XKR9: variants seen among roughly 807,000 people sequenced by gnomAD.
XKR9 encodes XK-related protein 9.
Under a neutral mutation model 32.0 loss-of-function variants are expected in XKR9, and 32 were observed. The observed-to-expected ratio is 1.00, with a 90% CI of 0.76 to 1.34. The LOEUF is 1.34. Among genes scored for constraint, XKR9 ranks in the 40% most tolerant of loss-of-function variants. XKR9 has a pLI of 0.00. For synonymous variants in XKR9, 168 were observed against 143.4 expected (o/e 1.17, Z -1.22); for missense variants, 546 against 429.7 (o/e 1.27, Z -2.39).
intron 4 of XKR9, among the ~76,000 whole-genome samples, chr8:70,720,068 A>G (rs1455910387): frequency 2.0e-5 from 3 of 152,108 alleles, no homozygotes; most frequent in African/African-American, 7.2e-5. Flanking sequence ...GCAATTGTGA[A>G]TGGTAGTTCA....
the XKR9 span, among the ~76,000 whole-genome samples, chr8:70,880,111 A>G: frequency 2.0e-5 from 3 of 152,106 alleles, no homozygotes; most frequent in Non-Finnish European, 4.4e-5. Flanking sequence ...ACTAGGTATT[A>G]ATGGAATGTA....
chr8:70,795,700 CT>C, the XKR9 span, among the ~76,000 whole-genome samples: 7 of 151,994 alleles, frequency 4.6e-5, no homozygotes, highest in African/African-American at 1.4e-4. Context: ...TGCTATCTCA[CT>C]GTGGTTTTGA....
chr8:70,758,098 G>T (rs1003658648), intron 2 of XKR9, among the ~76,000 whole-genome samples: 2 of 152,040 alleles, frequency 1.3e-5, no homozygotes, highest in Non-Finnish European at 2.9e-5. Flanking sequence ...ACTGGTTATT[G>T]TTAGTTTCTT....
At chr8:70,856,942 C>A in the XKR9 span, among the ~76,000 whole-genome samples, 1 of 152,086 alleles carries the variant, frequency 6.6e-6, no homozygotes, top group Non-Finnish European at 1.5e-5. Context: ...AAAGACACAA[C>A]ATACCAGAAT....
chr8:71,026,055 C>A, the XKR9 span, among the ~76,000 whole-genome samples: 2 of 152,124 alleles, frequency 1.3e-5, no homozygotes, highest in African/African-American at 4.8e-5. Flanking sequence ...ATTCACACAC[C>A]CAAAAATGAC....
At position 70,733,895 on chromosome 8, in the gene XKR9, G is replaced by A. The variant is rs1301276027; in HGVS notation, c.593G>A (p.Gly198Glu). 3.1e-6 allele frequency: 5 copies of A among 1,612,282 alleles called. No homozygotes were observed. Among genetic ancestry groups the A allele is most frequent in the African/African-American group, 2.7e-5 (2 of 74,852 alleles). ...KSLPDKKLLN[G>E]LCPKITYLFY... ...TTGCCTGACAAAAAGCTTCTTAATG[G>A]ATTATGTCCCAAAATCACATATCTC... The change falls in exon 5 of 5, where the codon GGA becomes GAA. Residue 198 changes from glycine to glutamate, a missense_variant. Coordinates refer to ENST00000408926, the MANE Select transcript of XKR9 (RefSeq NM_001011720.2).
At chr8:70,855,534 C>T in the XKR9 span, among the ~76,000 whole-genome samples, 993 of 152,248 alleles carry the variant, frequency 6.5e-3, 19 homozygotes, top group African/African-American at 0.022. Flanking sequence ...GAGAATGGAA[C>T]GAAGTTGCAA....
chr8:70,714,851 TAAG>T (rs1189367856), intron 4 of XKR9, among the ~76,000 whole-genome samples: 4 of 152,142 alleles, frequency 2.6e-5, no homozygotes, highest in Admixed American at 6.5e-5. Context: ...TCTGAATTAA[TAAG>T]TAAAGAATTA....
the XKR9 span, among the ~76,000 whole-genome samples, chr8:70,917,631 G>A: frequency 1.3e-5 from 2 of 152,274 alleles, no homozygotes; most frequent in African/African-American, 4.8e-5. Context: ...TTCAAACAAT[G>A]AACGAATGAC....
chr8:70,948,898 T>C, the XKR9 span, among the ~76,000 whole-genome samples: 21 of 152,342 alleles, frequency 1.4e-4, no homozygotes, highest in South Asian at 2.9e-3. Flanking sequence ...AAACACATGA[T>C]AGTTTTCCAA....
intron 2 of XKR9, among the ~76,000 whole-genome samples, chr8:70,786,387 A>G (rs1807689013): frequency 6.6e-6 from 1 of 152,116 alleles, no homozygotes; most frequent in Non-Finnish European, 1.5e-5. Flanking sequence ...GAAATCTTCT[A>G]TAATTATTGA....
At chr8:70,979,554 G>A in the XKR9 span, among the ~76,000 whole-genome samples, 4 of 152,166 alleles carry the variant, frequency 2.6e-5, no homozygotes, top group East Asian at 1.9e-4. Context: ...GTTTTCCTGG[G>A]TATCTCCAGC....
the XKR9 span, among the ~76,000 whole-genome samples, chr8:70,932,167 GTTA>G: frequency 1.3e-5 from 2 of 151,462 alleles, no homozygotes; most frequent in South Asian, 2.1e-4. Context: ...ATATTATATT[GTTA>G]TTATTAATTA....
At chr8:70,839,164 C>T in the XKR9 span, among the ~76,000 whole-genome samples, 1 of 152,022 alleles carries the variant, frequency 6.6e-6, no homozygotes, top group Non-Finnish European at 1.5e-5. Flanking sequence ...TTATTACATT[C>T]ATATGACTTG....
chr8:70,827,852 G>A, the XKR9 span, among the ~76,000 whole-genome samples: 22 of 152,156 alleles, frequency 1.4e-4, no homozygotes, highest in African/African-American at 5.1e-4. Context: ...AAAATTGCTT[G>A]ATTTATGGTT....
the XKR9 span, among the ~76,000 whole-genome samples, chr8:70,880,950 C>G: frequency 2.2e-4 from 33 of 152,202 alleles, no homozygotes; most frequent in African/African-American, 7.0e-4. Context: ...AGAACCGAGG[C>G]CTCAGAAATA....
chr8:70,888,855 A>G, the XKR9 span, among the ~76,000 whole-genome samples: 1 of 151,930 alleles, frequency 6.6e-6, no homozygotes, highest in South Asian at 2.1e-4. Flanking sequence ...TTGTTACAAT[A>G]GATTTGTAGC....
At chr8:70,756,043 A>T (rs1807220449) in intron 2 of XKR9, among the ~76,000 whole-genome samples, 1 of 152,124 alleles carries the variant, frequency 6.6e-6, no homozygotes, top group African/African-American at 2.4e-5. Flanking sequence ...TTTGGAGTTG[A>T]TTTGAGTGTG....
chr8:70,757,136 C>T (rs1807238407), intron 2 of XKR9, among the ~76,000 whole-genome samples: 2 of 151,750 alleles, frequency 1.3e-5, no homozygotes. Flanking sequence ...CTTATATGAC[C>T]TATTACATTA....
Sources: gnomAD v4.1 joint callset for allele counts (sites outside exome capture counted in the v4.1 genomes callset) on GRCh38, gnomAD v4.1.1 for gene constraint, MANE v1.5 for transcripts, NCBI Gene and HGNC (gene_info 2026-07-23, HGNC 2026-07-21) for gene names.